The following RBFOX1 variants were observed in gnomAD, a reference collection of about 807,000 sequenced individuals.
RBFOX1 encodes RNA binding fox-1 homolog 1.
Under a neutral mutation model 57.7 loss-of-function variants are expected in RBFOX1, and 8 were observed. That is an observed-to-expected ratio of 0.14 (90% CI 0.08 to 0.25). The LOEUF (loss-of-function observed/expected upper bound fraction) is 0.25, where lower values mean the gene tolerates loss of function less well. Ranked by LOEUF, RBFOX1 falls within the 10% of genes least tolerant of loss-of-function variation. RBFOX1 has a pLI of 1.00. For missense variants in RBFOX1, 611 were observed against 548.5 expected, an observed-to-expected ratio of 1.11 and a Z score of -1.14; for synonymous variants, 326 against 222.4, an observed-to-expected ratio of 1.47 and a Z score of -4.15.
chr16:6,460,144 T>C (rs1409444297), intron 2 of RBFOX1, among the ~76,000 whole-genome samples: 2 of 151,420 alleles, frequency 1.3e-5, no homozygotes, highest in African/African-American at 2.4e-5. Flanking sequence ...AACAGAAGTT[T>C]ATTTTCTCAT....
At chr16:5,809,350 G>A (rs1459682344) in intron 3 of RBFOX1, among the ~76,000 whole-genome samples, 1 of 152,152 alleles carries the variant, frequency 6.6e-6, no homozygotes, top group African/African-American at 2.4e-5. Context: ...AAGAGCTTCT[G>A]GACAGCAAAA....
At chr16:5,772,937 G>A (rs983009661) in intron 3 of RBFOX1, among the ~76,000 whole-genome samples, 59 of 152,304 alleles carry the variant, frequency 3.9e-4, no homozygotes, top group African/African-American at 1.3e-3. Flanking sequence ...TATGGGCAGA[G>A]GGAGCTGACT....
At position 6,150,047 on chromosome 16, in the gene RBFOX1, G is replaced by A. The variant is rs143535168; in HGVS notation, c.-127+130055G>A. Among the ~76,000 whole-genome samples the A allele has an allele frequency of 7.9e-4, 121 of 152,308 alleles. 1 individual carries two copies. In the East Asian group the frequency reaches 0.021, roughly 26 times the overall value. On this transcript the variant is annotated intron_variant, in intron 1 of 15. Transcript: ENST00000550418. ...TCTGTCAATTCAGCAGATGTAGAGC[G>A]CGATTCTATGCACTGTGGGGCAAGG...
At chr16:5,737,003 C>T (rs2052601563) in intron 3 of RBFOX1, among the ~76,000 whole-genome samples, 1 of 151,188 alleles carries the variant, frequency 6.6e-6, no homozygotes, top group Admixed American at 6.6e-5. Flanking sequence ...GTTTCAGTCT[C>T]ATCCTCTTTC....
intron 4 of RBFOX1, among the ~76,000 whole-genome samples, chr16:7,366,048 C>T (rs778696952): frequency 7.2e-5 from 11 of 152,136 alleles, no homozygotes; most frequent in Non-Finnish European, 1.5e-4. Flanking sequence ...TTTTGATTGG[C>T]CTGGCGGAGG....
intron 1 of RBFOX1, among the ~76,000 whole-genome samples, chr16:6,113,977 G>C (rs2096472450): frequency 6.6e-6 from 1 of 152,186 alleles, no homozygotes; most frequent in Non-Finnish European, 1.5e-5. Context: ...GCAGGTTTCT[G>C]TCAAAGAGGT....
intron 2 of RBFOX1, among the ~76,000 whole-genome samples, chr16:6,455,561 A>G (rs2094749871): frequency 6.6e-6 from 1 of 152,322 alleles, no homozygotes; most frequent in African/African-American, 2.4e-5. Flanking sequence ...AACGATCACC[A>G]TAAAACTATG....
chr16:7,206,748 T>C (rs2090060676), intron 4 of RBFOX1, among the ~76,000 whole-genome samples: 1 of 152,140 alleles, frequency 6.6e-6, no homozygotes, highest in Non-Finnish European at 1.5e-5. Flanking sequence ...GTGAGATTTC[T>C]CATAGCTGAA....
At chr16:6,766,942 A>G (rs138639259) in intron 3 of RBFOX1, among the ~76,000 whole-genome samples, 81 of 152,238 alleles carry the variant, frequency 5.3e-4, no homozygotes, top group African/African-American at 1.9e-3. Context: ...AGCCCGTGGT[A>G]CTAGCCCTTG....
intron 4 of RBFOX1, among the ~76,000 whole-genome samples, chr16:7,080,328 A>G (rs989988913): frequency 6.6e-6 from 1 of 152,032 alleles, no homozygotes; most frequent in South Asian, 2.1e-4. Context: ...TATTTCCTCC[A>G]ATGCCTTGCC....
chr16:6,270,715 C>G lies in RBFOX1; in HGVS notation c.-126-46280C>G, dbSNP rs144371377. Among the ~76,000 whole-genome samples, 615 of 152,284 alleles carry G rather than the reference C, an allele frequency of 4.0e-3. 5 individuals are homozygous for G. The highest frequency in any genetic ancestry group is 6.5e-3 in the Non-Finnish European group (444 of 68,024). On this transcript the variant is annotated intron_variant, in intron 1 of 15. Coordinates refer to ENST00000550418, the MANE Select transcript of RBFOX1 (RefSeq NM_018723.4). ...GGATAAAGAACAATGCAACCATTAT[C>G]CATCAACGAGGACTAATCAACATTA...
chr16:7,385,616 C>G (rs1367083173), intron 4 of RBFOX1, among the ~76,000 whole-genome samples: 1 of 152,128 alleles, frequency 6.6e-6, no homozygotes, highest in African/African-American at 2.4e-5. Context: ...GTGGTCATCT[C>G]ATTTGGGCGT....
At chr16:7,407,588 G>C (rs1397307912) in intron 4 of RBFOX1, among the ~76,000 whole-genome samples, 1 of 152,042 alleles carries the variant, frequency 6.6e-6, no homozygotes, top group Non-Finnish European at 1.5e-5. Flanking sequence ...TTGTAGGGAA[G>C]GTAAGAGCAG....
chr16:7,218,205 C>T lies in RBFOX1; in HGVS notation c.27+166107C>T, dbSNP rs563747530. Among the ~76,000 whole-genome samples, 20 of 152,236 alleles carry T rather than the reference C, an allele frequency of 1.3e-4. No homozygotes were observed. The South Asian group carries it at 3.5e-3, about 27-fold the overall frequency. ...TGAGTAGGTGGGGAGTGAGTTTAAA[C>T]CTTATGTCTTATTTTCCTTCATTAA... On this transcript the variant is annotated intron_variant, in intron 4 of 15. Transcript: ENST00000550418.
intron 4 of RBFOX1, among the ~76,000 whole-genome samples, chr16:7,337,807 C>A (rs752326358): frequency 1.3e-5 from 2 of 152,146 alleles, no homozygotes; most frequent in Non-Finnish European, 2.9e-5. Flanking sequence ...GCCTCAGCCT[C>A]CCAAGTAACT....
At chr16:7,063,802 A>G (rs1303010747) in intron 4 of RBFOX1, among the ~76,000 whole-genome samples, 1 of 152,240 alleles carries the variant, frequency 6.6e-6, no homozygotes, top group African/African-American at 2.4e-5. Flanking sequence ...CTTACATAGC[A>G]TTCGCATTGC....
intron 1 of RBFOX1, among the ~76,000 whole-genome samples, chr16:5,320,927 G>C (rs1376512114): frequency 1.3e-5 from 2 of 152,196 alleles, no homozygotes; most frequent in African/African-American, 4.8e-5. Flanking sequence ...GCCTCTGGCT[G>C]ACCCTGGCTG....
At chr16:6,080,998 T>G (rs80004893) in intron 1 of RBFOX1, among the ~76,000 whole-genome samples, 1 of 152,358 alleles carries the variant, frequency 6.6e-6, no homozygotes, top group East Asian at 1.9e-4. Context: ...TGTCATGGCT[T>G]GAAGCCTCCT....
chr16:6,650,464 G>A (rs781086216), intron 2 of RBFOX1, among the ~76,000 whole-genome samples: 1 of 152,140 alleles, frequency 6.6e-6, no homozygotes, highest in Non-Finnish European at 1.5e-5. Flanking sequence ...CCCTCATTGT[G>A]TGATTCAGTA....
Sources: allele counts gnomAD v4.1 joint callset (sites outside exome capture counted in the v4.1 genomes callset), GRCh38; gene constraint gnomAD v4.1.1; transcripts MANE v1.5; gene names NCBI Gene and HGNC (gene_info 2026-07-23, HGNC 2026-07-21).